FOXO3: variants seen among roughly 807,000 people sequenced by gnomAD.
FOXO3 encodes forkhead box O3, also known as forkhead box protein O3.
FOXO3 carries 4 observed loss-of-function variants against 41.9 expected under a neutral mutation model. That is an observed-to-expected ratio of 0.10 (90% CI 0.05 to 0.22). The LOEUF (loss-of-function observed/expected upper bound fraction) is 0.22, where lower values mean the gene tolerates loss of function less well. Ranked by LOEUF, FOXO3 falls within the 10% of genes least tolerant of loss-of-function variation. The pLI is 1.00. For missense variants in FOXO3, 534 were observed against 906.8 expected (o/e 0.59, Z 5.28); for synonymous variants, 318 against 389.3 (o/e 0.82, Z 2.16).
rs762998132 is a variant in FOXO3, at chr6:108,561,453, G to T, written c.245G>T (p.Gly82Val). 2.1e-5 allele frequency: 32 copies of T among 1,534,572 alleles called. No individual in the cohort carries two copies. The highest frequency in any genetic ancestry group is 2.5e-5 in the Non-Finnish European group (29 of 1,143,574). ...GGCTCGGCCATGGCGATCGGCGGCG[G>T]CGGCGGGAGCGGCACGCTGGGCTCC... ...RAGSAMAIGGGGGSGTLGSGL... is the reference protein window; with the variant it reads ...RAGSAMAIGGVGGSGTLGSGL... Residue 82 changes from glycine to valine, a missense_variant, in exon 1 of 3, where the codon GGC becomes GTC. Physicochemically the swap from Gly to Val is moderately radical, Grantham distance 109. Coordinates refer to ENST00000406360, the MANE Select transcript of FOXO3 (RefSeq NM_001455.4).
intron 2 of FOXO3, among the ~76,000 whole-genome samples, chr6:108,674,670 C>T (rs950364435): frequency 3.3e-5 from 5 of 152,080 alleles, no homozygotes; most frequent in South Asian, 2.1e-4. Context: ...TAAGAAGAGC[C>T]GTCCAGGCAA....
chr6:108,597,632 C>T (rs996107025), intron 1 of FOXO3, among the ~76,000 whole-genome samples: 1 of 152,116 alleles, frequency 6.6e-6, no homozygotes, highest in African/African-American at 2.4e-5. Context: ...TACCAGTCTC[C>T]AGAGTCCATG....
At chr6:108,613,594 T>C (rs1289954808) in intron 1 of FOXO3, among the ~76,000 whole-genome samples, 1 of 152,192 alleles carries the variant, frequency 6.6e-6, no homozygotes, top group Non-Finnish European at 1.5e-5. Flanking sequence ...ATTCCTGATG[T>C]TGATAATTTG....
chr6:108,576,942 CTT>C (rs1402228490), intron 1 of FOXO3, among the ~76,000 whole-genome samples: 1 of 152,206 alleles, frequency 6.6e-6, no homozygotes, highest in Non-Finnish European at 1.5e-5. Context: ...AAGAAAATAA[CTT>C]TATCATTTGC....
chr6:108,566,590 G>C (rs1331726703), intron 1 of FOXO3, among the ~76,000 whole-genome samples: 1 of 152,042 alleles, frequency 6.6e-6, no homozygotes, highest in African/African-American at 2.4e-5. Context: ...TTTAAAGACT[G>C]TTTAGGCCTG....
chr6:108,658,072 G>A (rs1778740844), intron 1 of FOXO3, among the ~76,000 whole-genome samples: 1 of 152,194 alleles, frequency 6.6e-6, no homozygotes, highest in South Asian at 2.1e-4. Context: ...GTTATATGCA[G>A]ATGGTCCTGG....
chr6:108,663,655 G>T lies in FOXO3; in HGVS notation c.822G>T (p.Leu274=). The T allele has an allele frequency of 6.2e-7, 1 of 1,613,148 alleles. No homozygotes were observed. The highest frequency in any genetic ancestry group is 8.5e-7 in the Non-Finnish European group (1 of 1,179,456). The change falls in exon 2 of 3, where the codon CTG becomes CTT. Residue 274 remains leucine (L), a synonymous_variant. Transcript: ENST00000406360. ...GCGCAGCCAAGAAGAAGGCAGCCCT[G>T]CAGACAGCCCCCGAATCAGCTGACG... ...RGRAAKKKAA[L]QTAPESADDS...
intron 1 of FOXO3, among the ~76,000 whole-genome samples, chr6:108,633,900 A>G (rs1211509566): frequency 2.0e-5 from 3 of 152,092 alleles, no homozygotes. Context: ...TCCACAGGCA[A>G]CCTTCAGTCT....
At chr6:108,646,212 C>G (rs1778388119) in intron 1 of FOXO3, among the ~76,000 whole-genome samples, 1 of 152,192 alleles carries the variant, frequency 6.6e-6, no homozygotes, top group South Asian at 2.1e-4. Flanking sequence ...AATAGTCTTG[C>G]ATGGAACTCT....
rs1158836137 is a variant in FOXO3, at chr6:108,599,719, G to A, written c.621+37890G>A. 2.0e-5 allele frequency among the ~76,000 whole-genome samples: 3 copies of A among 152,294 alleles called. No individual in the cohort carries two copies. In the East Asian group the frequency reaches 5.8e-4, roughly 29 times the overall value. ...CTCACAAACTTAGAAATGCTTCAGA[G>A]TAAGTATCTGAGAAGCAAGCCCACC... is the stretch of plus-strand genomic sequence containing the variant. On this transcript the variant is annotated intron_variant, in intron 1 of 2. Transcript: ENST00000406360.
At chr6:108,608,852 C>G (rs1331482894) in intron 1 of FOXO3, among the ~76,000 whole-genome samples, 1 of 152,094 alleles carries the variant, frequency 6.6e-6, no homozygotes, top group Non-Finnish European at 1.5e-5. Context: ...TCTATCCCTC[C>G]CCTCCCAGAG....
intron 1 of FOXO3, among the ~76,000 whole-genome samples, chr6:108,585,168 A>C (rs1776543222): frequency 6.6e-6 from 1 of 151,050 alleles, no homozygotes; most frequent in South Asian, 2.1e-4. Context: ...CAGCCTCCCG[A>C]GTAGCTGGGA....
chr6:108,560,651 G>A (rs192590091), upstream of FOXO3, among the ~76,000 whole-genome samples: 2,192 of 152,066 alleles, frequency 0.014, 24 homozygotes, highest in Non-Finnish European at 0.021. Context: ...CGGCGGCGCC[G>A]CGGGAGGCAC....
At chr6:108,679,088 G>T (rs1271235016) in intron 2 of FOXO3, among the ~76,000 whole-genome samples, 1 of 151,612 alleles carries the variant, frequency 6.6e-6, no homozygotes, top group Non-Finnish European at 1.5e-5. Flanking sequence ...AGCCAGGATG[G>T]TCTCGATCTC....
chr6:108,673,588 C>G (rs973082810), intron 2 of FOXO3, among the ~76,000 whole-genome samples: 3 of 152,220 alleles, frequency 2.0e-5, no homozygotes, highest in African/African-American at 7.2e-5. Flanking sequence ...TAGATTGTCT[C>G]TCAGAATCCT....
intron 2 of FOXO3, among the ~76,000 whole-genome samples, chr6:108,674,261 T>C (rs1017532746): frequency 2.6e-5 from 4 of 152,110 alleles, no homozygotes; most frequent in African/African-American, 7.2e-5. Flanking sequence ...AGTGTTTGAG[T>C]TGGCAAAGAG....
chr6:108,619,577 A>T (rs753880949), intron 1 of FOXO3, among the ~76,000 whole-genome samples: 8 of 152,344 alleles, frequency 5.3e-5, no homozygotes, highest in Non-Finnish European at 1.2e-4. Flanking sequence ...GTATTCTCAG[A>T]TGTAAAGTTG....
At chr6:108,652,924 C>T (rs1029194574) in intron 1 of FOXO3, among the ~76,000 whole-genome samples, 2 of 152,174 alleles carry the variant, frequency 1.3e-5, no homozygotes, top group Non-Finnish European at 2.9e-5. Context: ...GGCTCTTCAC[C>T]CTGGATGGAC....
At chr6:108,609,285 G>A (rs148859332) in intron 1 of FOXO3, among the ~76,000 whole-genome samples, 1 of 152,300 alleles carries the variant, frequency 6.6e-6, no homozygotes, top group East Asian at 1.9e-4. Context: ...TTCAGTGAGT[G>A]TTTAGAGACT....
Sources: allele counts gnomAD v4.1 joint callset (sites outside exome capture counted in the v4.1 genomes callset), GRCh38; gene constraint gnomAD v4.1.1; transcripts MANE v1.5; gene names NCBI Gene and HGNC (gene_info 2026-07-23, HGNC 2026-07-21).